ITGBL1: variants seen among roughly 807,000 people sequenced by gnomAD.
The protein encoded by ITGBL1 is integrin subunit beta like 1, also known as integrin beta-like protein 1.
In ITGBL1, 51 loss-of-function variants were observed where a neutral mutation model predicts 68.5. The ratio of observed to expected loss-of-function variants is 0.74; its 90% CI spans 0.59 to 0.94. The LOEUF is 0.94. ITGBL1 is among the 40% of genes least tolerant of loss of function. ITGBL1 has a pLI of 0.00. For missense variants in ITGBL1, 649 were observed against 647.4 expected, an observed-to-expected ratio of 1.00 and a Z score of -0.03; for synonymous variants, 209 against 227.3, an observed-to-expected ratio of 0.92 and a Z score of 0.72.
At chr13:101,719,023 C>A (rs1205289031), downstream of ITGBL1, 2 of 151,968 alleles carry the variant, frequency 1.3e-5, no homozygotes, top group Non-Finnish European at 2.9e-5. Context: ...CTTGATATAG[C>A]CTTGTTCTGA....
intron 2 of ITGBL1, among the ~76,000 whole-genome samples, chr13:101,531,945 A>G (rs1239389846): frequency 1.3e-5 from 2 of 151,820 alleles, no homozygotes; most frequent in Non-Finnish European, 1.5e-5. Flanking sequence ...CGTGTTAGCC[A>G]GGATGGTCTC....
At chr13:101,512,860 A>G (rs959138872) in intron 2 of ITGBL1, among the ~76,000 whole-genome samples, 9 of 152,138 alleles carry the variant, frequency 5.9e-5, no homozygotes, top group Non-Finnish European at 1.0e-4. Flanking sequence ...AATAAATTAT[A>G]AAGATTGCTT....
Position 101,676,616 on chromosome 13 carries a change from C to G in ITGBL1, c.1016-15969C>G, listed in dbSNP as rs1378564955. Among the ~76,000 whole-genome samples the G allele has an allele frequency of 3.3e-5, 5 of 152,270 alleles. No homozygotes were observed. The East Asian group carries it at 9.7e-4, about 29-fold the overall frequency. ...TTATTTGGATAGAAGGTAGAAGTCA[C>G]TTTCCAATGGTCCTCTTTTCTCTAG... On this transcript the variant is annotated intron_variant, in intron 7 of 10. Transcript: ENST00000376180.
At chr13:101,699,671 A>G (rs898814592) in intron 8 of ITGBL1, among the ~76,000 whole-genome samples, 1 of 152,012 alleles carries the variant, frequency 6.6e-6, no homozygotes, top group East Asian at 1.9e-4. Flanking sequence ...AGTCAATTAA[A>G]CCTCTTTCCT....
In ITGBL1 at chr13:101,594,047, ACC is replaced by A. The variant is rs565315603; in HGVS notation, c.869-4105_869-4104del. On this transcript the variant is annotated intron_variant, in intron 6 of 10. Transcript: ENST00000376180. The stretch of plus-strand genomic sequence containing the variant: ...AAATATGTACATATAATAATTTTTA[ACC>A]TCTCCTAGCATTTTTAATAGTAATA... Among the ~76,000 whole-genome samples, 25 of 152,148 alleles carry A rather than the reference ACC, an allele frequency of 1.6e-4. No individual in the cohort carries two copies. The South Asian group carries it at 5.2e-3, about 32-fold the overall frequency.
At chr13:101,486,880 C>A (rs914908920) in intron 2 of ITGBL1, among the ~76,000 whole-genome samples, 1 of 151,984 alleles carries the variant, frequency 6.6e-6, no homozygotes, top group Non-Finnish European at 1.5e-5. Context: ...TTCACACACC[C>A]AAAAATGCCT....
intron 2 of ITGBL1, among the ~76,000 whole-genome samples, chr13:101,510,613 G>A (rs766851814): frequency 6.6e-6 from 1 of 152,058 alleles, no homozygotes; most frequent in Middle Eastern, 3.4e-3. Flanking sequence ...ACATTCCCAC[G>A]AACAGTGTAC....
At chr13:101,683,119 A>C (rs981873490) in intron 7 of ITGBL1, among the ~76,000 whole-genome samples, 1 of 152,136 alleles carries the variant, frequency 6.6e-6, no homozygotes, top group Non-Finnish European at 1.5e-5. Flanking sequence ...TAAAGTAATC[A>C]CATGCCCAGA....
At chr13:101,602,006 G>A (rs1158586252) in intron 7 of ITGBL1, among the ~76,000 whole-genome samples, 1 of 151,988 alleles carries the variant, frequency 6.6e-6, no homozygotes, top group Non-Finnish European at 1.5e-5. Context: ...GGAGAAATAT[G>A]ATTCTCTTTC....
intron 2 of ITGBL1, among the ~76,000 whole-genome samples, chr13:101,475,491 A>C (rs2048522278): frequency 6.6e-6 from 1 of 151,174 alleles, no homozygotes; most frequent in African/African-American, 2.4e-5. Context: ...GGGGAGAGAG[A>C]GATCAGCATA....
intron 7 of ITGBL1, among the ~76,000 whole-genome samples, chr13:101,689,449 A>G (rs1183580691): frequency 2.0e-5 from 3 of 151,658 alleles, no homozygotes; most frequent in Non-Finnish European, 4.4e-5. Flanking sequence ...CAGCAAAATA[A>G]TAAACTTACA....
intron 7 of ITGBL1, among the ~76,000 whole-genome samples, chr13:101,641,503 G>T (rs544775873): frequency 2.7e-5 from 4 of 149,902 alleles, no homozygotes; most frequent in Non-Finnish European, 5.9e-5. Flanking sequence ...TTCATAACTT[G>T]TGTTTATGTG....
chr13:101,689,574 C>T lies in ITGBL1; in HGVS notation c.1016-3011C>T, dbSNP rs147949306. On this transcript the variant is annotated intron_variant, in intron 7 of 10. Transcript: ENST00000376180. ...GAGCCGAGATCATGCCACTGCACTC[C>T]AACCTGAGTGACAGAGCAAGACTCT... Among the ~76,000 whole-genome samples, 1,103 of 151,994 alleles carry T rather than the reference C, an allele frequency of 7.3e-3. 8 individuals carry two copies. Among genetic ancestry groups the T allele is most frequent in the African/African-American group, 0.025 (1,035 of 41,448 alleles).
chr13:101,568,671 C>T (rs1252940398), intron 3 of ITGBL1, among the ~76,000 whole-genome samples: 1 of 151,908 alleles, frequency 6.6e-6, no homozygotes, highest in African/African-American at 2.4e-5. Context: ...GTGTGTGACC[C>T]ATTGCTCTAA....
At chr13:101,646,605 T>A (rs967003676) in intron 7 of ITGBL1, among the ~76,000 whole-genome samples, 1 of 152,132 alleles carries the variant, frequency 6.6e-6, no homozygotes, top group Non-Finnish European at 1.5e-5. Context: ...CAAGTAGTTT[T>A]ATTTTACAGA....
intron 2 of ITGBL1, among the ~76,000 whole-genome samples, chr13:101,493,381 A>G (rs956684647): frequency 2.6e-5 from 4 of 152,156 alleles, no homozygotes; most frequent in Non-Finnish European, 5.9e-5. Context: ...CATAGTTTTA[A>G]TAATCCTCAT....
At position 101,574,409 on chromosome 13, in the gene ITGBL1, T is replaced by C. The variant is rs555732064; in HGVS notation, c.464-1015T>C. ...CAGCTACTTCCTCAGGGACTCTGACTTTGACCTACTGGTCTCAGTTAAATC... is the reference window on the plus strand; with the variant it reads ...CAGCTACTTCCTCAGGGACTCTGACCTTGACCTACTGGTCTCAGTTAAATC... On this transcript the variant is annotated intron_variant, in intron 3 of 10. Coordinates refer to ENST00000376180, the MANE Select transcript of ITGBL1 (RefSeq NM_004791.3). Among the ~76,000 whole-genome samples, 24 of 152,286 alleles carry C rather than the reference T, an allele frequency of 1.6e-4. 1 individual carries two copies. The highest frequency in any genetic ancestry group is 5.2e-4 in the Admixed American group (8 of 15,272).
chr13:101,577,872 T>C (rs1410846637), intron 4 of ITGBL1, among the ~76,000 whole-genome samples: 1 of 152,222 alleles, frequency 6.6e-6, no homozygotes, highest in African/African-American at 2.4e-5. Context: ...ACTGATTAAA[T>C]CACTTGACAG....
chr13:101,550,326 G>A (rs1449927549), intron 2 of ITGBL1, among the ~76,000 whole-genome samples: 1 of 152,086 alleles, frequency 6.6e-6, no homozygotes, highest in Admixed American at 6.6e-5. Context: ...TCTCCTTCTG[G>A]GGCAAAGGTC....
Sources: allele counts gnomAD v4.1 joint callset (sites outside exome capture counted in the v4.1 genomes callset), GRCh38; gene constraint gnomAD v4.1.1; transcripts MANE v1.5; gene names NCBI Gene and HGNC (gene_info 2026-07-23, HGNC 2026-07-21).